The following SLC14A2 variants were observed in gnomAD, a reference collection of about 807,000 sequenced individuals.
The protein encoded by SLC14A2 is urea transporter 2.
SLC14A2 carries 91 observed loss-of-function variants against 104.6 expected under a neutral mutation model. The ratio of observed to expected loss-of-function variants is 0.87; its 90% CI spans 0.73 to 1.04. The LOEUF (loss-of-function observed/expected upper bound fraction) is 1.04. SLC14A2 is among the 50% of genes least tolerant of loss of function. The probability of loss-of-function intolerance (pLI) is 0.00; values close to 1 mark genes in which losing one functional copy is unlikely to be tolerated. For synonymous variants in SLC14A2, 476 were observed against 466.4 expected (o/e 1.02, Z -0.27); for missense variants, 1,189 against 1,156.0 (o/e 1.03, Z -0.41).
At chr18:45,295,892 G>A (rs532241086) in intron 1 of SLC14A2, among the ~76,000 whole-genome samples, 2 of 152,124 alleles carry the variant, frequency 1.3e-5, no homozygotes, top group African/African-American at 4.8e-5. Context: ...CTGCAAAATG[G>A]GAATGATAAC....
At chr18:45,358,795 C>T (rs1022431913) in intron 1 of SLC14A2, among the ~76,000 whole-genome samples, 10 of 152,098 alleles carry the variant, frequency 6.6e-5, no homozygotes, top group African/African-American at 9.7e-5. Flanking sequence ...TTGCTGGTCT[C>T]GAATTCCTGA....
At chr18:45,388,064 C>CTTTTTTTTTTT (rs58962313) in intron 1 of SLC14A2, among the ~76,000 whole-genome samples, 10 of 69,092 alleles carry the variant, frequency 1.4e-4, no homozygotes, top group African/African-American at 6.0e-4. Context: ...TTGCTCATAT[C>CTTTTTTTTTTT]TTTTTTTTTT....
In SLC14A2 at chr18:45,627,124, A is replaced by T. The variant is rs1568304396; in HGVS notation, c.498A>T (p.Thr166=). 3.7e-6 allele frequency: 6 copies of T among 1,614,152 alleles called. No homozygotes were observed. Among genetic ancestry groups the T allele is most frequent in the Non-Finnish European group, 5.1e-6 (6 of 1,180,024 alleles). ...TGGGGACAGTGGTCTCGACCTTAACAGCTCTCGCCTTGGGCCAAGACAGGT... is the reference window on the plus strand; with the variant it reads ...TGGGGACAGTGGTCTCGACCTTAACTGCTCTCGCCTTGGGCCAAGACAGGT... ...GGLGTVVSTL[T]ALALGQDRSA... The change falls in exon 4 of 20, where the codon ACA becomes ACT. Residue 166 remains threonine, a synonymous_variant. Transcript: ENST00000255226.
At chr18:45,440,544 G>A (rs2086667050) in intron 1 of SLC14A2, 1 of 152,222 alleles carries the variant, frequency 6.6e-6, no homozygotes. Context: ...GGCAGGGGGA[G>A]GCAAACCTAC....
intron 10 of SLC14A2, among the ~76,000 whole-genome samples, chr18:45,655,037 T>A (rs1388000430): frequency 6.6e-6 from 1 of 152,184 alleles, no homozygotes; most frequent in African/African-American, 2.4e-5. Flanking sequence ...CTCCTTGGCC[T>A]CTCTCCTCAG....
chr18:45,406,942 T>C (rs1317467427), intron 1 of SLC14A2, among the ~76,000 whole-genome samples: 1 of 152,162 alleles, frequency 6.6e-6, no homozygotes, highest in Non-Finnish European at 1.5e-5. Context: ...AGCATAGGCA[T>C]AGTTGATTTA....
intron 1 of SLC14A2, among the ~76,000 whole-genome samples, chr18:45,246,901 T>C (rs1337572509): frequency 6.6e-6 from 1 of 152,174 alleles, no homozygotes; most frequent in Non-Finnish European, 1.5e-5. Flanking sequence ...CCCCATTTTT[T>C]CAGAGGAGGG....
chr18:45,331,650 C>T (rs986834739), intron 1 of SLC14A2, among the ~76,000 whole-genome samples: 2 of 151,006 alleles, frequency 1.3e-5, no homozygotes, highest in African/African-American at 4.9e-5. Flanking sequence ...GAGATCGCAC[C>T]ACTGCACTCC....
At chr18:45,462,459 G>A (rs1299239938) in intron 1 of SLC14A2, among the ~76,000 whole-genome samples, 1 of 152,170 alleles carries the variant, frequency 6.6e-6, no homozygotes, top group Non-Finnish European at 1.5e-5. Flanking sequence ...GATGCTGCCA[G>A]GCAGGAGGCA....
intron 1 of SLC14A2, among the ~76,000 whole-genome samples, chr18:45,400,129 G>A (rs1310001127): frequency 3.9e-5 from 6 of 152,072 alleles, no homozygotes; most frequent in African/African-American, 9.7e-5. Flanking sequence ...AGGACATATC[G>A]TACACTCCTC....
intron 2 of SLC14A2, among the ~76,000 whole-genome samples, chr18:45,546,209 A>C (rs769475193): frequency 1.9e-4 from 29 of 152,266 alleles, no homozygotes; most frequent in Non-Finnish European, 3.5e-4. Flanking sequence ...CAATAAACAA[A>C]GAGGAGCATC....
chr18:45,358,162 T>G (rs1182193854), intron 1 of SLC14A2, among the ~76,000 whole-genome samples: 1 of 152,098 alleles, frequency 6.6e-6, no homozygotes, highest in Non-Finnish European at 1.5e-5. Context: ...CAGTGAATGG[T>G]GTGCTTTGGA....
rs148866507 is a variant in SLC14A2, at chr18:45,626,943, C to A, written c.332-15C>A. The stretch of plus-strand genomic sequence containing the variant: ...AAGCTGGACCTGCTGATGGCTCGCT[C>A]TCTGTCTCTTTCAGACAAGCACCTT... On this transcript the variant is annotated splice_polypyrimidine_tract_variant and intron_variant, in intron 3 of 19. Transcript: ENST00000255226. 1.7e-4 allele frequency: 277 copies of A among 1,603,288 alleles called. No individual in the cohort carries two copies. In the African/African-American group the frequency reaches 3.4e-3, roughly 20 times the overall value.
chr18:45,593,658 T>G (rs1456561643), intron 2 of SLC14A2, among the ~76,000 whole-genome samples: 2 of 151,364 alleles, frequency 1.3e-5, no homozygotes, highest in African/African-American at 4.9e-5. Flanking sequence ...CCCAGCTAAT[T>G]TTTTGTATTT....
the SLC14A2 span, among the ~76,000 whole-genome samples, chr18:45,196,639 T>C: frequency 1.3e-5 from 2 of 152,196 alleles, no homozygotes; most frequent in Non-Finnish European, 2.9e-5. Flanking sequence ...GAAGGTGCTC[T>C]GTGCCCCAAC....
chr18:45,232,500 T>C (rs544863969), intron 1 of SLC14A2, among the ~76,000 whole-genome samples: 40 of 152,248 alleles, frequency 2.6e-4, no homozygotes, highest in African/African-American at 9.6e-4. Context: ...TAGGTGAAAA[T>C]AGTAACTTGT....
chr18:45,585,097 C>T (rs948499302), intron 2 of SLC14A2, among the ~76,000 whole-genome samples: 5 of 152,024 alleles, frequency 3.3e-5, no homozygotes, highest in Non-Finnish European at 7.4e-5. Context: ...TTCCCATCTC[C>T]CTCAGCATCA....
intron 1 of SLC14A2, among the ~76,000 whole-genome samples, chr18:45,359,900 G>C (rs1320397108): frequency 6.6e-6 from 1 of 152,186 alleles, no homozygotes; most frequent in African/African-American, 2.4e-5. Flanking sequence ...CACCTATATG[G>C]TAAAGTTCAC....
chr18:45,215,336 G>T (rs1371906337), intron 1 of SLC14A2, among the ~76,000 whole-genome samples: 1 of 152,098 alleles, frequency 6.6e-6, no homozygotes, highest in African/African-American at 2.4e-5. Flanking sequence ...TTGTCATTTA[G>T]ATTTCTGTGG....
Sources: gnomAD v4.1 joint callset for allele counts (sites outside exome capture counted in the v4.1 genomes callset) on GRCh38, gnomAD v4.1.1 for gene constraint, MANE v1.5 for transcripts, NCBI Gene and HGNC (gene_info 2026-07-23, HGNC 2026-07-21) for gene names.